The following CRYBB1 variants were observed in gnomAD, a reference collection of about 807,000 sequenced individuals.
The protein encoded by CRYBB1 is beta-crystallin B1.
In CRYBB1, 16 loss-of-function variants were observed where a neutral mutation model predicts 29.5. That is an observed-to-expected ratio of 0.54 (90% CI 0.37 to 0.82). CRYBB1 has a LOEUF of 0.82. Among genes scored for constraint, CRYBB1 ranks in the 40% least tolerant of loss-of-function variants. The pLI is 0.00. For missense variants in CRYBB1, 300 were observed against 350.5 expected (o/e 0.86, Z 1.15); for synonymous variants, 127 against 136.7 (o/e 0.93, Z 0.49).
intron 3 of CRYBB1, among the ~76,000 whole-genome samples, chr22:26,609,318 A>G (rs1929084953): frequency 6.6e-6 from 1 of 152,212 alleles, no homozygotes; most frequent in East Asian, 1.9e-4. Flanking sequence ...CCCAGAATAG[A>G]GTTGCATTTG....
At chr22:26,615,409 C>T (rs749706393) in intron 2 of CRYBB1, among the ~76,000 whole-genome samples, 15 of 152,250 alleles carry the variant, frequency 9.9e-5, no homozygotes, top group Admixed American at 2.0e-4. Context: ...TAAGCATGTG[C>T]GTGTGCAGGT....
intron 5 of CRYBB1, 59 bp from the exon 6 acceptor site, chr22:26,599,732 G>C: frequency 1.4e-6 from 2 of 1,388,064 alleles, no homozygotes; most frequent in Non-Finnish European, 1.0e-6. Flanking sequence ...CTGGCACCCA[G>C]ACCCCTGCCA....
At chr22:26,604,410 C>T (rs1292558521) in intron 4 of CRYBB1, among the ~76,000 whole-genome samples, 2 of 152,222 alleles carry the variant, frequency 1.3e-5, no homozygotes, top group Non-Finnish European at 2.9e-5. Context: ...CTGTTATTCA[C>T]CACCACTAGG....
chr22:26,610,812 G>T (rs983384568), intron 3 of CRYBB1, among the ~76,000 whole-genome samples: 2 of 152,140 alleles, frequency 1.3e-5, no homozygotes, highest in African/African-American at 4.8e-5. Context: ...TCAAAGATGG[G>T]GAAACTGAGG....
chr22:26,617,574 TTC>T (rs144409587), intron 1 of CRYBB1, among the ~76,000 whole-genome samples: 1 of 151,296 alleles, frequency 6.6e-6, no homozygotes, highest in Non-Finnish European at 1.5e-5. Context: ...GATATTCTCA[TTC>T]TCTCTCTCTC....
Position 26,607,748 on chromosome 22 carries a change from A to G in CRYBB1, c.432+141T>C, listed in dbSNP as rs561101972. On this transcript the variant is annotated intron_variant, in intron 4 of 5. Coordinates refer to ENST00000647684, the MANE Select transcript of CRYBB1 (RefSeq NM_001887.4). ...CACTGATGAATTGATGAGCTCAAGA[A>G]TCCACGGTCCTTTGACAACTCGGAG... 2.7e-6 allele frequency: 3 copies of G among 1,115,980 alleles called. No homozygotes were observed. The East Asian group carries it at 7.3e-5, about 27-fold the overall frequency. 69.1% of individuals were successfully genotyped at this position (1,115,980 alleles called of 1,614,324 possible).
chr22:26,599,340 C>T lies in CRYBB1; in HGVS notation c.*150G>A, dbSNP rs1928749611. On this transcript the variant is annotated 3_prime_UTR_variant, in exon 6 of 6. Transcript: ENST00000647684. ...TTATTAAGAGCGAGGAAGTCACATCCCAGTAACTATGGGGGACCTCAAGGC... is the reference window on the plus strand; with the variant it reads ...TTATTAAGAGCGAGGAAGTCACATCTCAGTAACTATGGGGGACCTCAAGGC... 1 of 693,538 alleles carries T rather than the reference C, an allele frequency of 1.4e-6. No individual in the cohort carries two copies. Among genetic ancestry groups the T allele is most frequent in the Non-Finnish European group, 2.5e-6 (1 of 399,608 alleles). 43.0% of individuals were successfully genotyped at this position (693,538 alleles called of 1,614,324 possible).
rs373324030 is a variant in CRYBB1 at position 26,617,192 on chromosome 22, G to T, written c.-20+785C>A. Reference sequence around the variant, plus strand: ...GACTGGGGCTGGGTAGGCTTTGGGTGGAGAGGGCTTTGGTCAATTCCAGTG... The same window carrying T: ...GACTGGGGCTGGGTAGGCTTTGGGTTGAGAGGGCTTTGGTCAATTCCAGTG... On this transcript the variant is annotated intron_variant, in intron 1 of 5. Coordinates refer to ENST00000647684, the MANE Select transcript of CRYBB1 (RefSeq NM_001887.4). Among the ~76,000 whole-genome samples, 6 of 152,276 alleles carry T rather than the reference G, an allele frequency of 3.9e-5. 1 individual carries two copies. Among genetic ancestry groups the T allele is most frequent in the African/African-American group, 1.4e-4 (6 of 41,534 alleles).
At chr22:26,615,633 C>A (rs1248322804) in intron 2 of CRYBB1, among the ~76,000 whole-genome samples, 1 of 152,156 alleles carries the variant, frequency 6.6e-6, no homozygotes, top group Non-Finnish European at 1.5e-5. Flanking sequence ...CCTGCCTCAG[C>A]CTCCCAAGTA....
intron 3 of CRYBB1, among the ~76,000 whole-genome samples, chr22:26,609,402 G>GTGGA (rs1215867224): frequency 1.3e-5 from 2 of 152,074 alleles, no homozygotes; most frequent in African/African-American, 4.8e-5. Context: ...AGATGAATGG[G>GTGGA]TGGATGGATG....
At chr22:26,601,288 A>G (rs3830147) in intron 5 of CRYBB1, among the ~76,000 whole-genome samples, 34 of 152,232 alleles carry the variant, frequency 2.2e-4, no homozygotes, top group East Asian at 5.8e-4. Context: ...TTCTCATGAC[A>G]TAAGGTCATG....
In CRYBB1 at chr22:26,599,418, G is replaced by T; in HGVS notation, c.*72C>A. 2 of 1,506,732 alleles carry T rather than the reference G, an allele frequency of 1.3e-6. No homozygotes were observed. Among genetic ancestry groups the T allele is most frequent in the Non-Finnish European group, 1.8e-6 (2 of 1,105,670 alleles). The allele number at this position is 1,506,732 out of a possible 1,614,324, so 93.3% of individuals were successfully genotyped here. On this transcript the variant is annotated 3_prime_UTR_variant, in exon 6 of 6. Coordinates refer to ENST00000647684, the MANE Select transcript of CRYBB1 (RefSeq NM_001887.4). Reference sequence around the variant, plus strand: ...ATTTTGGCTTTAGGGAATTTTATTTGCCTGGGAAAAATGGGGGAAATAATT... The same window carrying T: ...ATTTTGGCTTTAGGGAATTTTATTTTCCTGGGAAAAATGGGGGAAATAATT...
At chr22:26,617,299 C>T (rs78375971) in intron 1 of CRYBB1, among the ~76,000 whole-genome samples, 2 of 152,156 alleles carry the variant, frequency 1.3e-5, no homozygotes, top group African/African-American at 2.4e-5. Context: ...AAATAATGCT[C>T]TCTTTAACTT....
chr22:26,604,123 G>A (rs1258164072), intron 4 of CRYBB1, among the ~76,000 whole-genome samples: 1 of 145,698 alleles, frequency 6.9e-6, no homozygotes, highest in Non-Finnish European at 1.5e-5. Context: ...AAGAGCCAAA[G>A]AGATGAACAG....
At chr22:26,609,251 T>G (rs1347524797) in intron 3 of CRYBB1, among the ~76,000 whole-genome samples, 1 of 152,174 alleles carries the variant, frequency 6.6e-6, no homozygotes, top group Non-Finnish European at 1.5e-5. Context: ...GAGCCTCAGG[T>G]CTTTGTCTGA....
chr22:26,608,267 G>T (rs527521649), intron 3 of CRYBB1, among the ~76,000 whole-genome samples: 1 of 152,336 alleles, frequency 6.6e-6, no homozygotes, highest in South Asian at 2.1e-4. Context: ...TGTTTCCTTG[G>T]AGTTGGTGAA....
intron 2 of CRYBB1, among the ~76,000 whole-genome samples, chr22:26,614,688 A>G (rs1203306909): frequency 1.3e-5 from 2 of 152,206 alleles, no homozygotes; most frequent in African/African-American, 4.8e-5. Context: ...GCATATTTCA[A>G]TAAATTAAAA....
intron 4 of CRYBB1, among the ~76,000 whole-genome samples, chr22:26,602,997 A>C (rs8140620): frequency 0.18 from 26,808 of 151,018 alleles, 3,109 homozygotes; most frequent in East Asian, 0.38. Flanking sequence ...TGGTGGTGGG[A>C]GCCTGTAGTC....
rs1205823143 is a variant in CRYBB1, at chr22:26,615,081, G to T, written c.180+1059C>A. 3.3e-5 allele frequency among the ~76,000 whole-genome samples: 5 copies of T among 152,106 alleles called. No homozygotes were observed. In the East Asian group the frequency reaches 9.6e-4, roughly 29 times the overall value. On this transcript the variant is annotated intron_variant, in intron 2 of 5. Coordinates refer to ENST00000647684, the MANE Select transcript of CRYBB1 (RefSeq NM_001887.4). ...TTTGTAGGTGCATATTGCATTATTA[G>T]AAATTAAATAAAACTAATGATTAAA... is the stretch of plus-strand genomic sequence containing the variant.
Sources: allele counts gnomAD v4.1 joint callset (sites outside exome capture counted in the v4.1 genomes callset), GRCh38; gene constraint gnomAD v4.1.1; transcripts MANE v1.5; gene names NCBI Gene and HGNC (gene_info 2026-07-23, HGNC 2026-07-21).